PLPPR1: variants seen among roughly 807,000 people sequenced by gnomAD.
PLPPR1 encodes the protein phospholipid phosphatase-related protein type 1.
In PLPPR1, 10 loss-of-function variants were observed where a neutral mutation model predicts 33.1. The ratio of observed to expected loss-of-function variants is 0.30; its 90% CI spans 0.19 to 0.51. PLPPR1 has a LOEUF of 0.51. PLPPR1 is among the 20% of genes least tolerant of loss of function. PLPPR1 has a pLI of 0.97. For missense variants in PLPPR1, 304 were observed against 408.1 expected (o/e 0.74, Z 2.20); for synonymous variants, 151 against 151.0 (o/e 1.00, Z 0.00).
chr9:101,076,727 C>CTAA (rs1486180429), intron 1 of PLPPR1, among the ~76,000 whole-genome samples: 1 of 152,120 alleles, frequency 6.6e-6, no homozygotes, highest in Non-Finnish European at 1.5e-5. Flanking sequence ...TATTAGTTGT[C>CTAA]TATTTTACTC....
intron 4 of PLPPR1, among the ~76,000 whole-genome samples, chr9:101,294,043 T>A (rs1207977918): frequency 4.6e-5 from 7 of 151,834 alleles, no homozygotes; most frequent in Non-Finnish European, 7.4e-5. Context: ...TCAACAAAAT[T>A]GATAGACCGC....
intron 4 of PLPPR1, among the ~76,000 whole-genome samples, chr9:101,292,691 A>G (rs912448648): frequency 6.6e-6 from 1 of 151,962 alleles, no homozygotes; most frequent in Non-Finnish European, 1.5e-5. Context: ...AGAATTTCAT[A>G]TCCAGCCAAA....
chr9:101,294,288 T>G (rs1335095498), intron 4 of PLPPR1, among the ~76,000 whole-genome samples: 5 of 151,648 alleles, frequency 3.3e-5, no homozygotes, highest in Non-Finnish European at 7.4e-5. Flanking sequence ...AATAACAGGC[T>G]CTGAAATTGT....
At chr9:101,261,676 A>G (rs575690251) in intron 2 of PLPPR1, among the ~76,000 whole-genome samples, 5 of 152,346 alleles carry the variant, frequency 3.3e-5, no homozygotes, top group African/African-American at 9.6e-5. Flanking sequence ...ATAAAAAAGA[A>G]TGAGATCATG....
chr9:101,276,043 T>C (rs974581555), intron 3 of PLPPR1, among the ~76,000 whole-genome samples: 2 of 152,114 alleles, frequency 1.3e-5, no homozygotes, highest in African/African-American at 4.8e-5. Flanking sequence ...CTCTCAATAA[T>C]GCAAGCCTGT....
At chr9:101,171,667 T>G (rs1407797897) in intron 1 of PLPPR1, among the ~76,000 whole-genome samples, 1 of 152,198 alleles carries the variant, frequency 6.6e-6, no homozygotes. Context: ...TCCCACATCA[T>G]CTATTGGTGA....
intron 2 of PLPPR1, among the ~76,000 whole-genome samples, chr9:101,217,690 G>A (rs1207936449): frequency 6.6e-6 from 1 of 152,138 alleles, no homozygotes; most frequent in Non-Finnish European, 1.5e-5. Flanking sequence ...AATAGACCAG[G>A]TTTGGCCCAT....
intron 1 of PLPPR1, among the ~76,000 whole-genome samples, chr9:101,116,842 G>C (rs1444138304): frequency 6.6e-6 from 1 of 150,902 alleles, no homozygotes; most frequent in Non-Finnish European, 1.5e-5. Context: ...AGAAATGCAA[G>C]ATAAGCTTAT....
chr9:101,116,807 C>CAAAAAA (rs35906894), intron 1 of PLPPR1, among the ~76,000 whole-genome samples: 2 of 118,374 alleles, frequency 1.7e-5, no homozygotes, highest in Admixed American at 1.8e-4. Flanking sequence ...GACTCCATCT[C>CAAAAAA]AAAAAAAAAA....
intron 1 of PLPPR1, among the ~76,000 whole-genome samples, chr9:101,099,962 T>G (rs148247949): frequency 3.8e-4 from 58 of 152,254 alleles, no homozygotes; most frequent in African/African-American, 1.4e-3. Context: ...CACTGATGAT[T>G]ATTTTTTCTC....
intron 1 of PLPPR1, among the ~76,000 whole-genome samples, chr9:101,125,059 T>C (rs1221811108): frequency 2.0e-5 from 3 of 152,256 alleles, no homozygotes; most frequent in Admixed American, 6.5e-5. Context: ...CAGAATGTTC[T>C]TGTCTGTCCC....
chr9:101,323,542 T>A (rs1380408257), intron 7 of PLPPR1, among the ~76,000 whole-genome samples: 1 of 146,736 alleles, frequency 6.8e-6, no homozygotes, highest in Non-Finnish European at 1.5e-5. Flanking sequence ...GAAGTTTTAA[T>A]AAAAAGAGGT....
chr9:101,090,380 T>G (rs1469888465), intron 1 of PLPPR1, among the ~76,000 whole-genome samples: 1 of 152,216 alleles, frequency 6.6e-6, no homozygotes, highest in Non-Finnish European at 1.5e-5. Context: ...TCACCAGGAC[T>G]GCATAAAATT....
At chr9:101,089,691 T>C (rs1404423770) in intron 1 of PLPPR1, among the ~76,000 whole-genome samples, 1 of 152,214 alleles carries the variant, frequency 6.6e-6, no homozygotes, top group African/African-American at 2.4e-5. Flanking sequence ...AGCCAACTTC[T>C]TATTTTCATT....
intron 2 of PLPPR1, among the ~76,000 whole-genome samples, chr9:101,248,888 T>C (rs1236746873): frequency 6.6e-6 from 1 of 152,074 alleles, no homozygotes; most frequent in Admixed American, 6.6e-5. Context: ...AAGAAAGACT[T>C]TCTGAGGCCA....
At chr9:101,256,482 G>A (rs867922703) in intron 2 of PLPPR1, among the ~76,000 whole-genome samples, 1 of 152,088 alleles carries the variant, frequency 6.6e-6, no homozygotes, top group Non-Finnish European at 1.5e-5. Flanking sequence ...GAGGGTTCAG[G>A]GGGTAAGCAG....
At chr9:101,095,623 T>C (rs939385174) in intron 1 of PLPPR1, among the ~76,000 whole-genome samples, 2 of 152,176 alleles carry the variant, frequency 1.3e-5, no homozygotes, top group African/African-American at 4.8e-5. Context: ...GGGTAGGCAT[T>C]ACTATCCCCT....
intron 1 of PLPPR1, among the ~76,000 whole-genome samples, chr9:101,152,851 C>A (rs1831609203): frequency 6.6e-6 from 1 of 152,168 alleles, no homozygotes; most frequent in Non-Finnish European, 1.5e-5. Flanking sequence ...CAGCTTTGTT[C>A]TTTTGGCTTA....
At chr9:101,199,905 A>T (rs73656185) in intron 2 of PLPPR1, among the ~76,000 whole-genome samples, 3 of 152,182 alleles carry the variant, frequency 2.0e-5, no homozygotes, top group Non-Finnish European at 2.9e-5. Flanking sequence ...TTTGCATTTT[A>T]TAAGTTTTCA....
Sources: allele counts gnomAD v4.1 joint callset (sites outside exome capture counted in the v4.1 genomes callset), GRCh38; gene constraint gnomAD v4.1.1; transcripts MANE v1.5; gene names NCBI Gene and HGNC (gene_info 2026-07-23, HGNC 2026-07-21).